The following FCGR2B variants were observed in gnomAD, a reference collection of about 807,000 sequenced individuals.
FCGR2B encodes the protein low affinity immunoglobulin gamma Fc region receptor II-b.
FCGR2B carries 18 observed loss-of-function variants against 24.8 expected under a neutral mutation model. The ratio of observed to expected loss-of-function variants is 0.73; its 90% CI spans 0.50 to 1.08. The LOEUF (loss-of-function observed/expected upper bound fraction) is 1.08. Among genes scored for constraint, FCGR2B ranks in the 50% least tolerant of loss-of-function variants. The probability of loss-of-function intolerance (pLI) is 0.00; values close to 1 mark genes in which losing one functional copy is unlikely to be tolerated. For synonymous variants in FCGR2B, 79 were observed against 109.8 expected (o/e 0.72, Z 1.75); for missense variants, 215 against 297.6 (o/e 0.72, Z 2.04).
chr1:161,671,734 G>A, intron 3 of FCGR2B, 85 bp downstream of exon 3: 1 of 1,594,538 alleles, frequency 6.3e-7, no homozygotes, highest in Non-Finnish European at 8.6e-7. Flanking sequence ...CAGGAAAGGG[G>A]GGTGGCCTGC....
At chr1:161,654,364 G>C in the FCGR2B span, among the ~76,000 whole-genome samples, 2 of 21,146 alleles carry the variant, frequency 9.5e-5, no homozygotes, top group Admixed American at 1.2e-3. Context: ...AGAGATGTTT[G>C]TTTTTTGTTG....
chr1:161,671,266 T>C, intron 2 of FCGR2B, 126 bp from the exon 3 acceptor site: 1 of 1,499,834 alleles, frequency 6.7e-7, no homozygotes, highest in South Asian at 1.2e-5. Flanking sequence ...TGCAGAACCA[T>C]TCTGGGCCTG....
At chr1:161,654,735 A>G in the FCGR2B span, among the ~76,000 whole-genome samples, 1 of 136,472 alleles carries the variant, frequency 7.3e-6, no homozygotes, top group Admixed American at 7.5e-5. Context: ...ACGCTGTCTT[A>G]CAGGTGAGCC....
intron 6 of FCGR2B, 92 bp downstream of exon 6, chr1:161,675,405 C>G (rs1682032803): frequency 2.2e-6 from 2 of 913,216 alleles, no homozygotes. Flanking sequence ...GCAAGTTCAG[C>G]TGGGAGCCAG....
chr1:161,673,608 C>T (rs1400868712), intron 4 of FCGR2B: 34 of 644,012 alleles, frequency 5.3e-5, no homozygotes, highest in South Asian at 1.7e-4. Flanking sequence ...AAGCCTGGCA[C>T]GTCATGGACC....
intron 6 of FCGR2B, 133 bp from the exon 7 acceptor site, chr1:161,677,195 A>T: frequency 1.2e-6 from 1 of 832,674 alleles, no homozygotes. Flanking sequence ...TGCTTGGCCT[A>T]GAGGCCCAAG....
chr1:161,678,389 C>T lies in FCGR2B; in HGVS notation c.*836C>T, dbSNP rs1571036561. ...TTGTGTTACAATTGCCTAAAGTATT[C>T]AGTACAGTAGCATGCTGTACAGGTT... is the stretch of plus-strand genomic sequence containing the variant. On this transcript the variant is annotated 3_prime_UTR_variant, in exon 8 of 8. Coordinates refer to ENST00000358671, the MANE Select transcript of FCGR2B (RefSeq NM_001394477.1). The T allele has an allele frequency of 4.6e-6, 1 of 217,016 alleles. No homozygotes were observed. The highest frequency in any genetic ancestry group is 6.9e-5 in the East Asian group (1 of 14,552). 13.4% of individuals were successfully genotyped at this position (217,016 alleles called of 1,614,324 possible). A position where few individuals can be genotyped will look rare whatever the true frequency, so the allele number is the denominator to read the frequency against.
chr1:161,662,188 C>T (rs1284659906), upstream of FCGR2B, among the ~76,000 whole-genome samples: 1 of 130,868 alleles, frequency 7.6e-6, no homozygotes, highest in Non-Finnish European at 1.6e-5. Flanking sequence ...GGCAATTCAT[C>T]CCCTGGGGAA....
Position 161,677,657 on chromosome 1 carries a change from T to C in FCGR2B, c.*104T>C. Reference sequence around the variant, plus strand: ...GGGGAGGACAGGGAGATGCTGCAGTTCCAAAAGAGAAGGTTTCTTCCAGAG... The same window carrying C: ...GGGGAGGACAGGGAGATGCTGCAGTCCCAAAAGAGAAGGTTTCTTCCAGAG... On this transcript the variant is annotated 3_prime_UTR_variant, in exon 8 of 8. Coordinates refer to ENST00000358671, the MANE Select transcript of FCGR2B (RefSeq NM_001394477.1). 3 of 892,496 alleles carry C rather than the reference T, an allele frequency of 3.4e-6. No homozygotes were observed. Among genetic ancestry groups the C allele is most frequent in the Non-Finnish European group, 3.6e-6 (2 of 563,280 alleles). 55.3% of individuals were successfully genotyped at this position (892,496 alleles called of 1,614,324 possible). A position where few individuals can be genotyped will look rare whatever the true frequency, so the allele number is the denominator to read the frequency against.
At chr1:161,654,778 C>T in the FCGR2B span, among the ~76,000 whole-genome samples, 278 of 137,974 alleles carry the variant, frequency 2.0e-3, 11 homozygotes, top group African/African-American at 6.5e-3. Flanking sequence ...TTAGAAACAC[C>T]TGTCTTTTCT....
chr1:161,677,009 C>T, intron 6 of FCGR2B: 1 of 432,566 alleles, frequency 2.3e-6, no homozygotes, highest in Non-Finnish European at 4.1e-6. Context: ...CCCCCTCCCC[C>T]ACCTCTTCCC....
intron 5 of FCGR2B, 136 bp downstream of exon 5, chr1:161,674,209 A>G (rs920958318): frequency 4.1e-6 from 1 of 245,024 alleles, no homozygotes; most frequent in Non-Finnish European, 7.7e-6. Flanking sequence ...ATAGTCATTC[A>G]TTCGTTTATT....
intron 4 of FCGR2B, chr1:161,673,464 G>T (rs1173303041): frequency 5.4e-6 from 4 of 734,374 alleles, no homozygotes; most frequent in Non-Finnish European, 1.0e-5. Flanking sequence ...TGAAATGCAG[G>T]CCCCAGACTA....
the FCGR2B span, among the ~76,000 whole-genome samples, chr1:161,650,344 T>C: frequency 6.9e-6 from 1 of 145,406 alleles, no homozygotes; most frequent in Non-Finnish European, 1.5e-5. Flanking sequence ...ATTATATATA[T>C]TATATATGAT....
chr1:161,677,133 G>T, intron 6 of FCGR2B, 195 bp from the exon 7 acceptor site: 1 of 607,748 alleles, frequency 1.6e-6, no homozygotes, highest in Non-Finnish European at 2.9e-6. Context: ...CTTTGCGGAA[G>T]GCTGTGGCTG....
chr1:161,649,476 C>A, the FCGR2B span, among the ~76,000 whole-genome samples: 1 of 151,112 alleles, frequency 6.6e-6, no homozygotes, highest in East Asian at 1.9e-4. Flanking sequence ...GTGATGGTGG[C>A]AGAAGTTTAG....
At chr1:161,669,688 A>G (rs1681524430) in intron 1 of FCGR2B, among the ~76,000 whole-genome samples, 1 of 135,440 alleles carries the variant, frequency 7.4e-6, no homozygotes, top group African/African-American at 2.6e-5. Flanking sequence ...CAGGTTAAAG[A>G]ACAGTTTTTA....
intron 3 of FCGR2B, 83 bp from the exon 4 acceptor site, chr1:161,672,892 C>A (rs1182369302): frequency 3.4e-5 from 54 of 1,572,574 alleles, no homozygotes; most frequent in Non-Finnish European, 4.3e-5. Context: ...CTCTGCACAT[C>A]GTGTCCCACC....
At chr1:161,671,310 G>T (rs1256712390) in intron 2 of FCGR2B, 82 bp from the exon 3 acceptor site, 15 of 1,607,192 alleles carry the variant, frequency 9.3e-6, no homozygotes, top group Admixed American at 1.7e-5. Context: ...AGGCCTACAG[G>T]TGCTTTTTTG....
Sources: allele counts gnomAD v4.1 joint callset (sites outside exome capture counted in the v4.1 genomes callset), GRCh38; gene constraint gnomAD v4.1.1; transcripts MANE v1.5; gene names NCBI Gene and HGNC (gene_info 2026-07-23, HGNC 2026-07-21).